RAB3C: variants seen among roughly 807,000 people sequenced by gnomAD.
The protein encoded by RAB3C is RAB3C, member RAS oncogene family, also known as ras-related protein Rab-3C.
RAB3C carries 17 observed loss-of-function variants against 26.4 expected under a neutral mutation model. That is an observed-to-expected ratio of 0.64 (90% CI 0.44 to 0.97). The LOEUF is 0.97. Ranked by LOEUF, RAB3C falls within the 50% of genes least tolerant of loss-of-function variation. The probability of loss-of-function intolerance (pLI) is 0.00; values close to 1 mark genes in which losing one functional copy is unlikely to be tolerated. For synonymous variants in RAB3C, 91 were observed against 95.9 expected, an observed-to-expected ratio of 0.95 and a Z score of 0.30; for missense variants, 242 against 281.9, an observed-to-expected ratio of 0.86 and a Z score of 1.01.
At chr5:58,809,843 G>T (rs961425786) in intron 3 of RAB3C, among the ~76,000 whole-genome samples, 7 of 152,204 alleles carry the variant, frequency 4.6e-5, no homozygotes, top group Admixed American at 1.3e-4. Flanking sequence ...AACGTCTGTT[G>T]CTTAAGCCAC....
At chr5:58,797,047 A>G (rs966655881) in intron 3 of RAB3C, among the ~76,000 whole-genome samples, 14 of 152,048 alleles carry the variant, frequency 9.2e-5, no homozygotes, top group East Asian at 5.8e-4. Flanking sequence ...ACAAAACTGC[A>G]TATGTAGTAT....
At chr5:58,620,317 G>T (rs1332889975) in intron 2 of RAB3C, among the ~76,000 whole-genome samples, 1 of 152,124 alleles carries the variant, frequency 6.6e-6, no homozygotes, top group Non-Finnish European at 1.5e-5. Context: ...AGGCACATCT[G>T]ATTTTAGGAG....
intron 2 of RAB3C, among the ~76,000 whole-genome samples, chr5:58,697,286 G>C (rs1748728609): frequency 6.6e-6 from 1 of 152,206 alleles, no homozygotes; most frequent in Non-Finnish European, 1.5e-5. Context: ...TTGTGTGAGA[G>C]ACAGTTTGTT....
chr5:58,760,921 T>G (rs917565340), intron 3 of RAB3C, among the ~76,000 whole-genome samples: 7 of 152,200 alleles, frequency 4.6e-5, no homozygotes, highest in African/African-American at 1.4e-4. Context: ...AGACTTCCAG[T>G]TAAATAGATA....
At chr5:58,734,066 T>C (rs1385347516) in intron 3 of RAB3C, among the ~76,000 whole-genome samples, 1 of 152,172 alleles carries the variant, frequency 6.6e-6, no homozygotes, top group African/African-American at 2.4e-5. Context: ...TGATATTTTT[T>C]AAGAAATCAG....
At chr5:58,637,633 A>G (rs1378457555) in intron 2 of RAB3C, among the ~76,000 whole-genome samples, 1 of 152,154 alleles carries the variant, frequency 6.6e-6, no homozygotes, top group East Asian at 1.9e-4. Flanking sequence ...GGAGCTACCC[A>G]CTCAAGGCTT....
intron 3 of RAB3C, among the ~76,000 whole-genome samples, chr5:58,769,298 T>G (rs1264212963): frequency 1.3e-5 from 2 of 152,090 alleles, no homozygotes; most frequent in African/African-American, 4.8e-5. Context: ...GTTAGATATT[T>G]GAGTATGTAG....
chr5:58,696,475 T>C (rs1748702862), intron 2 of RAB3C, among the ~76,000 whole-genome samples: 1 of 152,180 alleles, frequency 6.6e-6, no homozygotes, highest in Admixed American at 6.6e-5. Context: ...TTTCTATTGA[T>C]TGGAAGTTTC....
At chr5:58,643,922 A>G (rs986632312) in intron 2 of RAB3C, among the ~76,000 whole-genome samples, 5 of 152,104 alleles carry the variant, frequency 3.3e-5, no homozygotes, top group African/African-American at 1.2e-4. Context: ...CCTGGGTTCG[A>G]GAGATTCTCC....
At position 58,596,595 on chromosome 5, in the gene RAB3C, ATATAT is replaced by A. The variant is rs1329897838; in HGVS notation, c.24+13369_24+13373del. Among the ~76,000 whole-genome samples, 141 of 117,222 alleles carry A rather than the reference ATATAT, an allele frequency of 1.2e-3. 2 individuals carry two copies. The highest frequency in any genetic ancestry group is 4.6e-3 in the African/African-American group (127 of 27,600). 76.9% of individuals were successfully genotyped at this position (117,222 alleles called of 152,430 possible). On this transcript the variant is annotated intron_variant, in intron 1 of 4. Coordinates refer to ENST00000282878, the MANE Select transcript of RAB3C (RefSeq NM_138453.4). ...AATATATAATACTATATAATACATA[ATATAT>A]TATATATAAATATATAATATATAAT... is the stretch of plus-strand genomic sequence containing the variant.
chr5:58,625,565 A>T (rs770995279), intron 2 of RAB3C, among the ~76,000 whole-genome samples: 1 of 152,122 alleles, frequency 6.6e-6, no homozygotes, highest in Admixed American at 6.5e-5. Context: ...AGCTTCTAAA[A>T]ATTCAAATAC....
At chr5:58,839,653 A>G (rs1044122835) in intron 4 of RAB3C, among the ~76,000 whole-genome samples, 3 of 152,106 alleles carry the variant, frequency 2.0e-5, no homozygotes, top group African/African-American at 7.2e-5. Flanking sequence ...TACAGACATG[A>G]GCCACTGCAC....
chr5:58,636,334 T>C (rs1368119186), intron 2 of RAB3C, among the ~76,000 whole-genome samples: 6 of 152,184 alleles, frequency 3.9e-5, no homozygotes, highest in Non-Finnish European at 8.8e-5. Flanking sequence ...TTTTAGAAAC[T>C]ACATTCCTGA....
At chr5:58,583,454 A>C in intron 1 of RAB3C, 2 of 614,822 alleles carry the variant, frequency 3.3e-6, no homozygotes, top group Non-Finnish European at 4.1e-6. Flanking sequence ...CAATCTTTCT[A>C]GGCTCTGTAA....
Position 58,784,503 on chromosome 5 carries a change from A to G in RAB3C, c.372-40535A>G, listed in dbSNP as rs556742918. The stretch of plus-strand genomic sequence containing the variant: ...ATGACACGTGGAAATTGTGGAAGCT[A>G]CAAATCAAGATGAGATTTGGGAACA... On this transcript the variant is annotated intron_variant, in intron 3 of 4. Transcript: ENST00000282878. Among the ~76,000 whole-genome samples, 8 of 152,288 alleles carry G rather than the reference A, an allele frequency of 5.3e-5. 1 individual carries two copies. The highest frequency in any genetic ancestry group is 3.3e-4 in the Admixed American group (5 of 15,296).
chr5:58,692,377 A>G (rs1473231395), intron 2 of RAB3C, among the ~76,000 whole-genome samples: 1 of 152,014 alleles, frequency 6.6e-6, no homozygotes, highest in African/African-American at 2.4e-5. Context: ...GAATAGACTG[A>G]CCTCATATTT....
intron 1 of RAB3C, among the ~76,000 whole-genome samples, chr5:58,614,121 AT>A (rs1746773205): frequency 6.6e-6 from 1 of 152,110 alleles, no homozygotes; most frequent in Admixed American, 6.6e-5. Context: ...GATTAATGCC[AT>A]TTGAAGAGTT....
chr5:58,745,469 C>T (rs1476102162), intron 3 of RAB3C, among the ~76,000 whole-genome samples: 1 of 151,050 alleles, frequency 6.6e-6, no homozygotes, highest in Non-Finnish European at 1.5e-5. Context: ...CATTCTGACC[C>T]ACCAGACCAC....
At chr5:58,842,956 C>A (rs1417432312) in intron 4 of RAB3C, among the ~76,000 whole-genome samples, 2 of 152,114 alleles carry the variant, frequency 1.3e-5, no homozygotes, top group African/African-American at 2.4e-5. Context: ...GGAACACTGC[C>A]AAAATATAAG....
Sources: gnomAD v4.1 joint callset for allele counts (sites outside exome capture counted in the v4.1 genomes callset) on GRCh38, gnomAD v4.1.1 for gene constraint, MANE v1.5 for transcripts, NCBI Gene and HGNC (gene_info 2026-07-23, HGNC 2026-07-21) for gene names.